The following DOCK5 variants were observed in gnomAD, a reference collection of about 807,000 sequenced individuals.
DOCK5 encodes the protein dedicator of cytokinesis protein 5.
A neutral mutation model predicts 251.8 loss-of-function variants in DOCK5; 142 were observed. The ratio of observed to expected loss-of-function variants is 0.56; its 90% CI spans 0.49 to 0.65. The LOEUF (loss-of-function observed/expected upper bound fraction) is 0.65. Among genes scored for constraint, DOCK5 ranks in the 30% least tolerant of loss-of-function variants. The pLI is 0.00. For synonymous variants in DOCK5, 842 were observed against 835.5 expected (o/e 1.01, Z -0.13); for missense variants, 2,111 against 2,312.3 (o/e 0.91, Z 1.79).
chr8:25,376,145 A>ATCT (rs1800959817), intron 37 of DOCK5: 1 of 984,076 alleles, frequency 1.0e-6, no homozygotes, highest in African/African-American at 1.8e-5. Context: ...ATAGCTTAGA[A>ATCT]AGTGAGGCTT....
chr8:25,348,831 C>T (rs1800415028), intron 26 of DOCK5, among the ~76,000 whole-genome samples: 4 of 145,258 alleles, frequency 2.8e-5, no homozygotes, highest in Admixed American at 2.7e-4. Flanking sequence ...GAGCGAGACT[C>T]TGTCTCAAAA....
At position 25,304,656 on chromosome 8, in the gene DOCK5, A is replaced by G. The variant is rs376730045; in HGVS notation, c.1049+329A>G. 5 of 219,814 alleles carry G rather than the reference A, an allele frequency of 2.3e-5. No homozygotes were observed. The South Asian group carries it at 4.4e-4, about 19-fold the overall frequency. The allele number at this position is 219,814 out of a possible 1,614,324, so 13.6% of individuals were successfully genotyped here. A position where few individuals can be genotyped will look rare whatever the true frequency, so the allele number is the denominator to read the frequency against. ...ATATATGTGCAGTCTATTGCATGAA[A>G]CAGGCATCATGGATGACACGGAATC... is the stretch of plus-strand genomic sequence containing the variant. On this transcript the variant is annotated intron_variant, in intron 11 of 51. Coordinates refer to ENST00000276440, the MANE Select transcript of DOCK5 (RefSeq NM_024940.8).
At chr8:25,300,465 A>T (rs1804733033) in intron 8 of DOCK5, 111 bp from the exon 9 acceptor site, 2 of 920,646 alleles carry the variant, frequency 2.2e-6, no homozygotes, top group Admixed American at 2.6e-5. Context: ...GTTGAATTTC[A>T]CTGAGCATTT....
chr8:25,245,164 C>G (rs1274552920), intron 2 of DOCK5, among the ~76,000 whole-genome samples: 1 of 152,156 alleles, frequency 6.6e-6, no homozygotes, highest in African/African-American at 2.4e-5. Context: ...TCATGCCATT[C>G]TCCTGCCTCA....
chr8:25,239,965 T>C (rs1011723462), intron 1 of DOCK5, among the ~76,000 whole-genome samples: 28 of 151,960 alleles, frequency 1.8e-4, no homozygotes, highest in Non-Finnish European at 3.8e-4. Flanking sequence ...CACTGAGAGG[T>C]TGACTGTGAT....
chr8:25,208,304 G>T (rs569096507), intron 1 of DOCK5, among the ~76,000 whole-genome samples: 42 of 152,330 alleles, frequency 2.8e-4, no homozygotes, highest in South Asian at 1.0e-3. Flanking sequence ...CAGTGGAAAG[G>T]TTTGAGAGGA....
chr8:25,352,981 A>G (rs1586354263), intron 27 of DOCK5, among the ~76,000 whole-genome samples: 1 of 152,166 alleles, frequency 6.6e-6, no homozygotes, highest in Non-Finnish European at 1.5e-5. Context: ...AGGGTCTTCC[A>G]GGGAGAGGCC....
intron 2 of DOCK5, among the ~76,000 whole-genome samples, chr8:25,245,799 C>G (rs1803088123): frequency 6.6e-6 from 1 of 152,142 alleles, no homozygotes; most frequent in African/African-American, 2.4e-5. Flanking sequence ...CTTGGCCTCC[C>G]CAAGTACTGG....
chr8:25,273,419 A>G (rs994204267), intron 3 of DOCK5, among the ~76,000 whole-genome samples: 2 of 152,182 alleles, frequency 1.3e-5, no homozygotes, highest in African/African-American at 2.4e-5. Context: ...CCTGGCCAAT[A>G]TGGTGAAATC....
At chr8:25,396,330 G>A (rs940445073) in intron 45 of DOCK5, among the ~76,000 whole-genome samples, 1 of 152,176 alleles carries the variant, frequency 6.6e-6, no homozygotes, top group African/African-American at 2.4e-5. Context: ...TCAGTAAGCC[G>A]AGATTGGGCC....
At chr8:25,359,122 G>T in intron 28 of DOCK5, 61 bp downstream of exon 28, 1 of 1,449,800 alleles carries the variant, frequency 6.9e-7, no homozygotes, top group South Asian at 1.1e-5. Context: ...TTAAAAAAAT[G>T]ACTGAAGCTG....
At chr8:25,278,844 C>A (rs571746309) in intron 5 of DOCK5, among the ~76,000 whole-genome samples, 179 bp downstream of exon 5, 1 of 152,122 alleles carries the variant, frequency 6.6e-6, no homozygotes, top group Non-Finnish European at 1.5e-5. Flanking sequence ...TCACTGATAG[C>A]GGGTAGTGGA....
At chr8:25,292,676 T>C (rs1422535229) in intron 6 of DOCK5, among the ~76,000 whole-genome samples, 1 of 152,112 alleles carries the variant, frequency 6.6e-6, no homozygotes. Context: ...GGTTCAAGGC[T>C]GCAGTGAGCC....
At chr8:25,407,869 A>G in intron 48 of DOCK5, 114 bp from the exon 49 acceptor site, 1 of 33,476 alleles carries the variant, frequency 3.0e-5, no homozygotes, top group Non-Finnish European at 4.8e-5. Context: ...TGTCTCAAAA[A>G]AAAAAAAAAA....
At chr8:25,393,114 A>G (rs1801289163) in intron 44 of DOCK5, among the ~76,000 whole-genome samples, 1 of 152,170 alleles carries the variant, frequency 6.6e-6, no homozygotes, top group African/African-American at 2.4e-5. Context: ...TTTTATGTCC[A>G]GAGGAGTGGT....
chr8:25,207,252 A>G (rs1282152933), intron 1 of DOCK5, among the ~76,000 whole-genome samples: 4 of 152,232 alleles, frequency 2.6e-5, no homozygotes, highest in African/African-American at 7.2e-5. Flanking sequence ...CATAGCATAG[A>G]AGTGCAAGGT....
At chr8:25,204,284 C>T (rs1426960935) in intron 1 of DOCK5, among the ~76,000 whole-genome samples, 1 of 152,016 alleles carries the variant, frequency 6.6e-6, no homozygotes, top group Non-Finnish European at 1.5e-5. Flanking sequence ...ATTTTAGGGG[C>T]ATTTAGGTTT....
intron 10 of DOCK5, among the ~76,000 whole-genome samples, chr8:25,303,539 T>G (rs1263893213): frequency 1.3e-5 from 2 of 152,156 alleles, no homozygotes; most frequent in African/African-American, 4.8e-5. Context: ...AGGAAATACA[T>G]TTTGGGCCTT....
intron 40 of DOCK5, among the ~76,000 whole-genome samples, chr8:25,387,008 T>G (rs1339244244): frequency 6.6e-6 from 1 of 152,214 alleles, no homozygotes; most frequent in African/African-American, 2.4e-5. Context: ...AGGCATACTG[T>G]AGAATATAAA....
Sources: gnomAD v4.1 joint callset for allele counts (sites outside exome capture counted in the v4.1 genomes callset) on GRCh38, gnomAD v4.1.1 for gene constraint, MANE v1.5 for transcripts, NCBI Gene and HGNC (gene_info 2026-07-23, HGNC 2026-07-21) for gene names.